Variants in OTOA observed in about 807,000 individuals in gnomAD.
OTOA encodes cancer/testis antigen 108.
A neutral mutation model predicts 110.8 loss-of-function variants in OTOA; 70 were observed. The observed-to-expected ratio is 0.63, with a 90% CI of 0.52 to 0.77. The LOEUF (loss-of-function observed/expected upper bound fraction) is 0.77. Among genes scored for constraint, OTOA ranks in the 30% least tolerant of loss-of-function variants. The pLI, the probability that OTOA is intolerant of heterozygous loss-of-function variation, is 0.00. For missense variants in OTOA, 917 were observed against 1,075.8 expected (o/e 0.85, Z 2.06); for synonymous variants, 373 against 431.5 (o/e 0.86, Z 1.68).
chr16:21,671,308 C>T (rs144127049), intron 1 of OTOA, among the ~76,000 whole-genome samples: 4 of 151,872 alleles, frequency 2.6e-5, no homozygotes, highest in East Asian at 1.9e-4. Flanking sequence ...CGTCCAAGGC[C>T]GGGCTCAGTG....
chr16:21,721,786 G>C (rs1236060372), intron 17 of OTOA, among the ~76,000 whole-genome samples: 42 of 152,190 alleles, frequency 2.8e-4, no homozygotes, highest in Non-Finnish European at 8.8e-5. Flanking sequence ...TAGCTACTTG[G>C]GAAACTGAGG....
intron 1 of OTOA, among the ~76,000 whole-genome samples, chr16:21,664,705 C>T (rs1966829760): frequency 6.6e-6 from 1 of 152,102 alleles, no homozygotes. Flanking sequence ...AAGGCCGGGG[C>T]TCACACCTGT....
chr16:21,677,683 C>T (rs995257001), intron 1 of OTOA, among the ~76,000 whole-genome samples: 2 of 151,780 alleles, frequency 1.3e-5, no homozygotes, highest in African/African-American at 2.4e-5. Context: ...GGGGTTTCAC[C>T]GTGTTAGCCA....
chr16:21,717,911 T>C (rs936999991), intron 15 of OTOA, among the ~76,000 whole-genome samples: 4 of 152,164 alleles, frequency 2.6e-5, no homozygotes, highest in African/African-American at 9.7e-5. Context: ...TATTGCTGTG[T>C]CACAAACCAC....
chr16:21,719,469 T>C lies in OTOA; in HGVS notation c.1771T>C (p.Phe591Leu), dbSNP rs1898661185. 6.2e-7 allele frequency: 1 copy of C among 1,614,132 alleles called. No homozygotes were observed. Among genetic ancestry groups the C allele is most frequent in the Non-Finnish European group, 8.5e-7 (1 of 1,180,014 alleles). ...CTTCTTTCTGGCCCATTTCCAGGAT[T>C]TTCAGAACAACTTCGCCCTGCTTTC... Reference protein sequence around the residue: ...TDFFLAHFQDFQNNFALLSPY... With the variant: ...TDFFLAHFQDLQNNFALLSPY... The change falls in exon 17 of 29, where the codon TTT (phenylalanine) becomes CTT (leucine). Residue 591 changes from phenylalanine (F) to leucine (L), a missense_variant. Physicochemically the swap from Phe to Leu is conservative, Grantham distance 22. This residue lies in a region of OTOA where 840 missense variants were observed against 910.2 expected (regional missense o/e 0.92). Transcript: ENST00000646100.
intron 19 of OTOA, chr16:21,726,965 C>A: frequency 5.3e-6 from 2 of 378,146 alleles, no homozygotes; most frequent in East Asian, 6.3e-5. Context: ...CCCTGAGCCT[C>A]AGTCTTCTCA....
intron 8 of OTOA, among the ~76,000 whole-genome samples, chr16:21,688,433 CATAA>C (rs1409530489): frequency 6.6e-6 from 1 of 151,986 alleles, no homozygotes; most frequent in Non-Finnish European, 1.5e-5. Flanking sequence ...AAAAAACCCA[CATAA>C]ATAAATACAG....
chr16:21,695,891 A>ATATTTTTTTTT (rs569493650), intron 9 of OTOA, among the ~76,000 whole-genome samples: 1 of 41,904 alleles, frequency 2.4e-5, no homozygotes, highest in Non-Finnish European at 3.7e-5. Flanking sequence ...ATATATATAT[A>ATATTTTTTTTT]TTTTTTTTTT....
At chr16:21,701,854 C>CAA (rs1898059892) in intron 11 of OTOA, among the ~76,000 whole-genome samples, 1 of 151,540 alleles carries the variant, frequency 6.6e-6, no homozygotes, top group African/African-American at 2.4e-5. Context: ...CTCCTGACCT[C>CAA]TTGAACTGCT....
intron 6 of OTOA, among the ~76,000 whole-genome samples, chr16:21,683,154 C>A (rs1966926773): frequency 6.6e-6 from 1 of 152,178 alleles, no homozygotes; most frequent in African/African-American, 2.4e-5. Flanking sequence ...ACAAGGCAGT[C>A]ATGATACTAC....
chr16:21,675,780 A>G (rs1433196401), intron 1 of OTOA, among the ~76,000 whole-genome samples: 2 of 151,776 alleles, frequency 1.3e-5, no homozygotes, highest in Non-Finnish European at 2.9e-5. Context: ...TACTTTCTTG[A>G]ACTTCCAGAG....
At chr16:21,734,668 C>G (rs1374153398) in intron 21 of OTOA, among the ~76,000 whole-genome samples, 7 of 152,078 alleles carry the variant, frequency 4.6e-5, no homozygotes, top group South Asian at 2.1e-4. Flanking sequence ...AACCCCGTCT[C>G]TACTAAAAAA....
At chr16:21,695,891 A>ATATATATATATATATATATATT (rs569493650) in intron 9 of OTOA, among the ~76,000 whole-genome samples, 2 of 41,896 alleles carry the variant, frequency 4.8e-5, no homozygotes, top group African/African-American at 2.9e-4. Context: ...ATATATATAT[A>ATATATATATATATATATATATT]TTTTTTTTTT....
chr16:21,671,899 C>T (rs1243267024), intron 1 of OTOA, among the ~76,000 whole-genome samples: 5 of 151,994 alleles, frequency 3.3e-5, no homozygotes, highest in South Asian at 2.1e-4. Flanking sequence ...TTGGGAAGCT[C>T]GAAGGGAGGA....
In OTOA at chr16:21,691,577, C is replaced by T; in HGVS notation, c.636-7C>T. 1 of 1,610,088 alleles carries T rather than the reference C, an allele frequency of 6.2e-7. No individual in the cohort carries two copies. The highest frequency in any genetic ancestry group is 8.5e-7 in the Non-Finnish European group (1 of 1,176,600). On this transcript the variant is annotated splice_polypyrimidine_tract_variant and splice_region_variant and intron_variant, in intron 8 of 28. Coordinates refer to ENST00000646100, the MANE Select transcript of OTOA (RefSeq NM_144672.4). ...TATTAGCTGATGCCTGTGTTTGTGT[C>T]ATTTAGATCTGCAGTGTTCAAAGAT... is the stretch of plus-strand genomic sequence containing the variant.
At chr16:21,702,920 C>T (rs1259994628) in intron 11 of OTOA, among the ~76,000 whole-genome samples, 1 of 152,088 alleles carries the variant, frequency 6.6e-6, no homozygotes, top group African/African-American at 2.4e-5. Flanking sequence ...GTGATCCGCC[C>T]GCCTCGGCCT....
chr16:21,714,927 A>G, intron 13 of OTOA, 58 bp from the exon 14 acceptor site: 2 of 1,609,918 alleles, frequency 1.2e-6, no homozygotes. Context: ...GGCTGAGTGC[A>G]CGTTGGAGAG....
At chr16:21,736,219 G>A (rs753916852) in intron 21 of OTOA, 42 bp from the exon 22 acceptor site, 5 of 1,575,076 alleles carry the variant, frequency 3.2e-6, no homozygotes, top group Non-Finnish European at 4.4e-6. Flanking sequence ...TATTTAAGGG[G>A]TTTTAATTAT....
chr16:21,723,214 G>A (rs1444852197), intron 18 of OTOA, among the ~76,000 whole-genome samples: 1 of 152,122 alleles, frequency 6.6e-6, no homozygotes, highest in African/African-American at 2.4e-5. Context: ...AGCAACCCAA[G>A]CCTGAATGAG....
Sources: gnomAD v4.1 joint callset for allele counts (sites outside exome capture counted in the v4.1 genomes callset) on GRCh38, gnomAD v4.1.1 for gene constraint, gnomAD v4.1.1 regional missense constraint, MANE v1.5 for transcripts, NCBI Gene and HGNC (gene_info 2026-07-23, HGNC 2026-07-21) for gene names.